The following HPSE2 variants were observed in gnomAD, a reference collection of about 807,000 sequenced individuals.
HPSE2 encodes the protein inactive heparanase-2.
Under a neutral mutation model 60.5 loss-of-function variants are expected in HPSE2, and 38 were observed. The observed-to-expected ratio is 0.63, with a 90% CI of 0.48 to 0.82. HPSE2 has a LOEUF of 0.82. HPSE2 is among the 40% of genes least tolerant of loss of function. HPSE2 has a pLI of 0.00. For missense variants in HPSE2, 713 were observed against 740.4 expected (o/e 0.96, Z 0.43); for synonymous variants, 295 against 293.2 (o/e 1.01, Z -0.06).
intron 10 of HPSE2, among the ~76,000 whole-genome samples, chr10:98,489,565 C>G (rs1173175721): frequency 6.6e-6 from 1 of 152,212 alleles, no homozygotes; most frequent in African/African-American, 2.4e-5. Flanking sequence ...TCCTTTAGTT[C>G]TGGGGACCCC....
intron 6 of HPSE2, among the ~76,000 whole-genome samples, chr10:98,678,447 A>G (rs1428766746): frequency 6.6e-6 from 1 of 152,196 alleles, no homozygotes; most frequent in Non-Finnish European, 1.5e-5. Flanking sequence ...CCCGAAGTTT[A>G]TGGGGCCTGA....
chr10:98,949,230 G>A (rs568598030), intron 3 of HPSE2, among the ~76,000 whole-genome samples: 20 of 128,840 alleles, frequency 1.6e-4, no homozygotes, highest in East Asian at 4.6e-4. Flanking sequence ...CCTCCAACAC[G>A]CACACGCACA....
intron 3 of HPSE2, among the ~76,000 whole-genome samples, chr10:98,958,473 T>G (rs978175967): frequency 6.6e-6 from 1 of 152,172 alleles, no homozygotes; most frequent in Non-Finnish European, 1.5e-5. Flanking sequence ...ATGATTATTA[T>G]GCATGCTATC....
Position 98,666,349 on chromosome 10 carries a change from T to A in HPSE2, c.1005-24409A>T, listed in dbSNP as rs548398999. On this transcript the variant is annotated intron_variant, in intron 6 of 11. Transcript: ENST00000370552. ...CAGTAATAGCAGGGGACTTTAACAC[T>A]CCACTGACAGTGTTAGATCATTGAG... Among the ~76,000 whole-genome samples, 49 of 152,072 alleles carry A rather than the reference T, an allele frequency of 3.2e-4. No individual in the cohort carries two copies. The South Asian group carries it at 9.3e-3, about 29-fold the overall frequency.
intron 6 of HPSE2, among the ~76,000 whole-genome samples, chr10:98,648,077 A>G (rs1280661895): frequency 6.6e-6 from 1 of 152,180 alleles, no homozygotes; most frequent in Non-Finnish European, 1.5e-5. Flanking sequence ...GTATGACTTA[A>G]CCCATAATGA....
intron 3 of HPSE2, among the ~76,000 whole-genome samples, chr10:98,964,093 A>G (rs896925842): frequency 1.3e-5 from 2 of 152,180 alleles, no homozygotes; most frequent in African/African-American, 4.8e-5. Context: ...AGTTCAATAA[A>G]TAAACAAAAA....
chr10:98,687,504 A>T (rs961486394), intron 6 of HPSE2, among the ~76,000 whole-genome samples: 2 of 152,224 alleles, frequency 1.3e-5, no homozygotes, highest in Non-Finnish European at 2.9e-5. Flanking sequence ...CTTTAAAGTC[A>T]GATGATTAGC....
chr10:98,894,634 A>G (rs578056878), intron 3 of HPSE2, among the ~76,000 whole-genome samples: 1 of 152,232 alleles, frequency 6.6e-6, no homozygotes, highest in African/African-American at 2.4e-5. Context: ...ACTGAAAGAC[A>G]ATGAGGTTAG....
chr10:99,221,889 G>A (rs1849325729), intron 2 of HPSE2, among the ~76,000 whole-genome samples: 1 of 152,154 alleles, frequency 6.6e-6, no homozygotes, highest in Non-Finnish European at 1.5e-5. Context: ...GGATGTCGGT[G>A]AAGGTTTCGA....
intron 3 of HPSE2, among the ~76,000 whole-genome samples, chr10:98,950,016 A>G (rs895421347): frequency 1.3e-5 from 2 of 152,192 alleles, no homozygotes; most frequent in Admixed American, 1.3e-4. Flanking sequence ...CTTCAGGAAC[A>G]GCTGATTCCA....
At chr10:99,046,939 A>G (rs1459709458) in intron 3 of HPSE2, among the ~76,000 whole-genome samples, 5 of 152,182 alleles carry the variant, frequency 3.3e-5, no homozygotes, top group Non-Finnish European at 7.4e-5. Context: ...TACCAGCATC[A>G]TTCTTCACAA....
intron 3 of HPSE2, among the ~76,000 whole-genome samples, chr10:99,018,997 C>G (rs899367656): frequency 2.0e-5 from 3 of 152,160 alleles, no homozygotes; most frequent in Non-Finnish European, 4.4e-5. Flanking sequence ...TAAATGCATA[C>G]TCAACATATG....
At chr10:99,099,617 C>G (rs1361842422) in intron 3 of HPSE2, among the ~76,000 whole-genome samples, 1 of 152,204 alleles carries the variant, frequency 6.6e-6, no homozygotes, top group Non-Finnish European at 1.5e-5. Flanking sequence ...ATTTAAATGT[C>G]CCTGTCTGAC....
chr10:98,757,578 C>T (rs947904282), intron 3 of HPSE2, among the ~76,000 whole-genome samples: 1 of 151,990 alleles, frequency 6.6e-6, no homozygotes, highest in Non-Finnish European at 1.5e-5. Context: ...CAATTCCATT[C>T]ACCATAGCCA....
chr10:98,498,983 C>T (rs1941941052), intron 9 of HPSE2, among the ~76,000 whole-genome samples: 1 of 152,252 alleles, frequency 6.6e-6, no homozygotes, highest in South Asian at 2.1e-4. Context: ...TGAACAAAGC[C>T]TCCAAGAAGT....
At chr10:98,837,491 T>G (rs1299151240) in intron 3 of HPSE2, among the ~76,000 whole-genome samples, 3 of 152,198 alleles carry the variant, frequency 2.0e-5, no homozygotes, top group African/African-American at 7.2e-5. Flanking sequence ...TTTCTATGTA[T>G]AGGAAACAAA....
At chr10:98,760,308 C>T (rs1267544529) in intron 3 of HPSE2, among the ~76,000 whole-genome samples, 4 of 151,550 alleles carry the variant, frequency 2.6e-5, no homozygotes, top group Non-Finnish European at 5.9e-5. Context: ...TTGTTGTCCA[C>T]TTGGTCTGGG....
At chr10:98,937,482 T>G (rs1954839175) in intron 3 of HPSE2, among the ~76,000 whole-genome samples, 2 of 144,396 alleles carry the variant, frequency 1.4e-5, no homozygotes, top group Admixed American at 6.9e-5. Context: ...TCTCGCTGAT[T>G]GCTAGCACAG....
the HPSE2 span, among the ~76,000 whole-genome samples, chr10:99,246,419 G>A: frequency 6.6e-6 from 1 of 152,196 alleles, no homozygotes; most frequent in Non-Finnish European, 1.5e-5. Flanking sequence ...TGTGGTGAAA[G>A]GTGCTGTGGA....
Sources: allele counts gnomAD v4.1 joint callset (sites outside exome capture counted in the v4.1 genomes callset), GRCh38; gene constraint gnomAD v4.1.1; transcripts MANE v1.5; gene names NCBI Gene and HGNC (gene_info 2026-07-23, HGNC 2026-07-21).